C3orf20: variants seen among roughly 807,000 people sequenced by gnomAD.
C3orf20 encodes the protein uncharacterized protein C3orf20.
Under a neutral mutation model 88.3 loss-of-function variants are expected in C3orf20, and 76 were observed. The observed-to-expected ratio is 0.86, with a 90% CI of 0.72 to 1.04. The LOEUF (loss-of-function observed/expected upper bound fraction) is 1.04. C3orf20 is among the 50% of genes least tolerant of loss of function. C3orf20 has a pLI of 0.00. For missense variants in C3orf20, 1,056 were observed against 1,123.3 expected (o/e 0.94, Z 0.86); for synonymous variants, 436 against 437.4 (o/e 1.00, Z 0.04).
chr3:14,734,754 A>G (rs2034650951), intron 12 of C3orf20, among the ~76,000 whole-genome samples: 2 of 152,226 alleles, frequency 1.3e-5, no homozygotes, highest in South Asian at 4.1e-4. Context: ...ATACTTATAA[A>G]TACTTTCTTA....
chr3:14,757,450 A>G lies in C3orf20; in HGVS notation c.2020A>G (p.Met674Val), dbSNP rs2035408346. Residue 674 changes from methionine (M) to valine (V), a missense_variant, in exon 13 of 17, where the codon ATG becomes GTG. Coordinates refer to ENST00000253697, the MANE Select transcript of C3orf20 (RefSeq NM_032137.5). ...CTGCCCGCTGGTGCTGCGGAAGCTC[A>G]TGCTCAAGGAAGACACCCGTGCTGG... ...SDCPLVLRKL[M>V]LKEDTRAGCK... The G allele has an allele frequency of 6.2e-7, 1 of 1,612,538 alleles. No homozygotes were observed. Among genetic ancestry groups the G allele is most frequent in the South Asian group, 1.1e-5 (1 of 91,022 alleles).
At chr3:14,678,308 A>T (rs1252273651) in intron 1 of C3orf20, among the ~76,000 whole-genome samples, 1 of 152,238 alleles carries the variant, frequency 6.6e-6, no homozygotes, top group East Asian at 1.9e-4. Context: ...CATTGGGAAC[A>T]TCACACAGAT....
At position 14,772,744 on chromosome 3, in the gene C3orf20, G is replaced by A. The variant is rs200428701; in HGVS notation, c.2631-47G>A. ...CAACCGGGCCTGGGCTCTGGGCACT[G>A]TGAAGAACAGCCCTTCCGCCTCCCG... is the stretch of plus-strand genomic sequence containing the variant. On this transcript the variant is annotated intron_variant, in intron 16 of 16. Transcript: ENST00000253697. The surrounding 1 kb of genome is among the most constrained non-coding windows in gnomAD (Gnocchi z 4.2). The A allele has an allele frequency of 2.1e-5, 32 of 1,518,736 alleles. No homozygotes were observed. The African/African-American group carries it at 4.2e-4, about 20-fold the overall frequency. The allele number at this position is 1,518,736 out of a possible 1,614,324, so 94.1% of individuals were successfully genotyped here.
At chr3:14,685,481 TGTGC>T (rs144773137) in intron 4 of C3orf20, among the ~76,000 whole-genome samples, 1 of 145,858 alleles carries the variant, frequency 6.9e-6, no homozygotes, top group Non-Finnish European at 1.5e-5. Context: ...TCTCTCTCTC[TGTGC>T]GTGCGTGCGT....
intron 5 of C3orf20, among the ~76,000 whole-genome samples, chr3:14,698,444 A>G (rs1274139188): frequency 6.6e-6 from 1 of 152,204 alleles, no homozygotes; most frequent in African/African-American, 2.4e-5. Flanking sequence ...AGGTATTTGA[A>G]AGGGTTTGGG....
rs901889668 is a variant in C3orf20, at chr3:14,772,575, G to A, written c.2631-216G>A. The stretch of plus-strand genomic sequence containing the variant: ...AAATGAATCACACATTCGGCATGGC[G>A]TGGAAATCACATATTTCTCATGAAG... On this transcript the variant is annotated intron_variant, in intron 16 of 16. Coordinates refer to ENST00000253697, the MANE Select transcript of C3orf20 (RefSeq NM_032137.5). The surrounding 1 kb of genome is among the most constrained non-coding windows in gnomAD (Gnocchi z 4.2). Among the ~76,000 whole-genome samples, 7 of 152,226 alleles carry A rather than the reference G, an allele frequency of 4.6e-5. No individual in the cohort carries two copies. The highest frequency in any genetic ancestry group is 1.2e-4 in the African/African-American group (5 of 41,454).
At chr3:14,760,410 G>A (rs898854424) in intron 14 of C3orf20, among the ~76,000 whole-genome samples, 5 of 152,054 alleles carry the variant, frequency 3.3e-5, no homozygotes, top group African/African-American at 1.2e-4. Flanking sequence ...AGTCTCATTT[G>A]CTCACCCCAC....
At position 14,772,251 on chromosome 3, in the gene C3orf20, C is replaced by T. The variant is rs375712285; in HGVS notation, c.2630+50C>T. Reference sequence around the variant, plus strand: ...AATGGGCGTGGCTCACAGCAGGCCACCTCGGGGCTATTTGGCCTTGGGCAA... The same window carrying T: ...AATGGGCGTGGCTCACAGCAGGCCATCTCGGGGCTATTTGGCCTTGGGCAA... On this transcript the variant is annotated intron_variant, in intron 16 of 16. Transcript: ENST00000253697. This position sits in a 1 kb window ranked among gnomAD's most constrained non-coding sequence, Gnocchi z 4.2. The T allele has an allele frequency of 1.2e-5, 19 of 1,612,668 alleles. No individual in the cohort carries two copies. The African/African-American group carries it at 2.5e-4, about 22-fold the overall frequency.
intron 12 of C3orf20, among the ~76,000 whole-genome samples, chr3:14,744,383 C>T (rs2125013622): frequency 6.6e-6 from 1 of 152,098 alleles, no homozygotes; most frequent in East Asian, 1.9e-4. Context: ...GTCCATATCG[C>T]TGTCAACATT....
chr3:14,708,310 C>G (rs2033604579), intron 7 of C3orf20, among the ~76,000 whole-genome samples: 1 of 152,146 alleles, frequency 6.6e-6, no homozygotes, highest in Non-Finnish European at 1.5e-5. Context: ...GCACCCTTGT[C>G]AAAAATCAAT....
At chr3:14,734,378 G>T (rs9850901) in intron 12 of C3orf20, among the ~76,000 whole-genome samples, 1 of 151,752 alleles carries the variant, frequency 6.6e-6, no homozygotes, top group South Asian at 2.1e-4. Flanking sequence ...GCTGCATCCC[G>T]CAAGCTTTGA....
intron 15 of C3orf20, among the ~76,000 whole-genome samples, chr3:14,770,454 C>T (rs1251331958): frequency 6.6e-6 from 1 of 152,146 alleles, no homozygotes; most frequent in African/African-American, 2.4e-5. Flanking sequence ...CCTGTGATTC[C>T]CTTGCTTGAT....
chr3:14,702,262 A>G (rs1425630908), intron 5 of C3orf20, among the ~76,000 whole-genome samples: 1 of 152,108 alleles, frequency 6.6e-6, no homozygotes, highest in Non-Finnish European at 1.5e-5. Context: ...AAACTTATTC[A>G]CTATCACGAG....
chr3:14,720,661 G>A (rs1279545076), intron 9 of C3orf20, among the ~76,000 whole-genome samples: 2 of 152,104 alleles, frequency 1.3e-5, no homozygotes, highest in African/African-American at 4.8e-5. Flanking sequence ...ACTGAGAGAA[G>A]CACAGCAGTG....
intron 1 of C3orf20, among the ~76,000 whole-genome samples, chr3:14,681,583 T>G (rs1277084551): frequency 6.6e-6 from 1 of 152,224 alleles, no homozygotes; most frequent in African/African-American, 2.4e-5. Flanking sequence ...GGGTTGACCT[T>G]TGCTACGTGC....
At chr3:14,713,661 C>G (rs1013605999) in intron 7 of C3orf20, among the ~76,000 whole-genome samples, 1 of 152,124 alleles carries the variant, frequency 6.6e-6, no homozygotes, top group Admixed American at 6.5e-5. Flanking sequence ...CTAGGGTGAC[C>G]AACTCATCCT....
At chr3:14,714,501 G>A (rs1282921185) in intron 8 of C3orf20, among the ~76,000 whole-genome samples, 1 of 152,210 alleles carries the variant, frequency 6.6e-6, no homozygotes, top group Non-Finnish European at 1.5e-5. Context: ...GTAGGTGAAG[G>A]AGAGGCATGA....
rs759543167 is a variant in C3orf20 at position 14,757,489 on chromosome 3, G to A, written c.2059G>A (p.Val687Met). ...CACCCGTGCTGGCTGCAAGTGCCTG[G>A]TGAAGGCGCCCCTGGTCTCTGACGT... ...EDTRAGCKCL[V>M]KAPLVSDVEL... The change falls in exon 13 of 17, where the codon GTG becomes ATG. Residue 687 changes from valine (V) to methionine (M), a missense_variant. Val to Met is a conservative substitution (Grantham distance 21). Transcript: ENST00000253697. 2.5e-6 allele frequency: 4 copies of A among 1,613,756 alleles called. No homozygotes were observed. Among genetic ancestry groups the A allele is most frequent in the Non-Finnish European group, 3.4e-6 (4 of 1,180,004 alleles).
chr3:14,735,597 A>ATT (rs199506151), intron 12 of C3orf20, among the ~76,000 whole-genome samples: 10 of 145,284 alleles, frequency 6.9e-5, no homozygotes, highest in African/African-American at 2.0e-4. Flanking sequence ...ACTATTATGA[A>ATT]TTTTTTTTTT....
Sources: allele counts gnomAD v4.1 joint callset (sites outside exome capture counted in the v4.1 genomes callset), GRCh38; gene constraint gnomAD v4.1.1; non-coding constraint Gnocchi (gnomAD v3.1); transcripts MANE v1.5; gene names NCBI Gene and HGNC (gene_info 2026-07-23, HGNC 2026-07-21).